Variants in SART1 observed in about 807,000 individuals in gnomAD.
The protein encoded by SART1 is U4/U6.U5 tri-snRNP-associated protein 1.
In SART1, 28 loss-of-function variants were observed where a neutral mutation model predicts 105.0. That is an observed-to-expected ratio of 0.27 (90% CI 0.20 to 0.37). The LOEUF (loss-of-function observed/expected upper bound fraction) is 0.37, where lower values mean the gene tolerates loss of function less well. Ranked by LOEUF, SART1 falls within the 10% of genes least tolerant of loss-of-function variation. SART1 has a pLI of 1.00. For missense variants in SART1, 894 were observed against 1,106.5 expected (o/e 0.81, Z 2.72); for synonymous variants, 472 against 462.9 (o/e 1.02, Z -0.25).
chr11:65,979,181 C>A lies in SART1; in HGVS notation c.*151C>A. ...TGGCTCCTGCTAGGTGAGACCTGGC[C>A]ATCAAATGACACAAACAACTAAACG... On this transcript the variant is annotated 3_prime_UTR_variant, in exon 20 of 20. Coordinates refer to ENST00000312397, the MANE Select transcript of SART1 (RefSeq NM_005146.5). 1.0e-6 allele frequency: 1 copy of A among 964,346 alleles called. No individual in the cohort carries two copies. The highest frequency in any genetic ancestry group is 2.6e-5 in the East Asian group (1 of 38,148). 59.7% of individuals were successfully genotyped at this position (964,346 alleles called of 1,614,324 possible). A position where few individuals can be genotyped will look rare whatever the true frequency, so the allele number is the denominator to read the frequency against.
chr11:65,973,691 G>T (rs916262620), intron 12 of SART1, among the ~76,000 whole-genome samples: 1 of 152,200 alleles, frequency 6.6e-6, no homozygotes, highest in Non-Finnish European at 1.5e-5. Context: ...GCCTGCAGCC[G>T]CAGTACTTGG....
At chr11:65,977,171 C>T in intron 15 of SART1, 70 bp downstream of exon 15, 1 of 1,142,386 alleles carries the variant, frequency 8.8e-7, no homozygotes, top group Non-Finnish European at 1.3e-6. Context: ...AGGGCCCCCT[C>T]CGGTCCCCTC....
rs762255390 is a variant in SART1, at chr11:65,977,756, C to T, written c.2037-8C>T. The T allele has an allele frequency of 7.4e-6, 12 of 1,613,886 alleles. No homozygotes were observed. The highest frequency in any genetic ancestry group is 1.6e-4 in the Middle Eastern group (1 of 6,082). On this transcript the variant is annotated splice_polypyrimidine_tract_variant and splice_region_variant and intron_variant, in intron 16 of 19. Coordinates refer to ENST00000312397, the MANE Select transcript of SART1 (RefSeq NM_005146.5). ...CCTCACACTAAGGCCTCCTCTGTCTCGGGCCAGGGCCATCGATGACAAGTA... is the reference window on the plus strand; with the variant it reads ...CCTCACACTAAGGCCTCCTCTGTCTTGGGCCAGGGCCATCGATGACAAGTA...
At position 65,979,382 on chromosome 11, in the gene SART1, C is replaced by T. The variant is rs372825547; in HGVS notation, c.*352C>T. The stretch of plus-strand genomic sequence containing the variant: ...CAGGTCACTGTCCTGTAATGTCTCC[C>T]GGTCAGGGCAGCCCAGGACTGCCCA... On this transcript the variant is annotated 3_prime_UTR_variant, in exon 20 of 20. Coordinates refer to ENST00000312397, the MANE Select transcript of SART1 (RefSeq NM_005146.5). 25 of 378,634 alleles carry T rather than the reference C, an allele frequency of 6.6e-5. No individual in the cohort carries two copies. In the East Asian group the frequency reaches 1.1e-3, roughly 17 times the overall value. The allele number at this position is 378,634 out of a possible 1,614,324, so 23.5% of individuals were successfully genotyped here. A position where few individuals can be genotyped will look rare whatever the true frequency, so the allele number is the denominator to read the frequency against.
In SART1 at chr11:65,979,340, T is replaced by TGGCCTC; in HGVS notation, c.*313_*318dup. On this transcript the variant is annotated 3_prime_UTR_variant, in exon 20 of 20. Transcript: ENST00000312397. ...AGAAACTCATCACCCTGCTCTCTCC[T>TGGCCTC]GGCCTCGGGGGCTGCACAGGTCACT... is the stretch of plus-strand genomic sequence containing the variant. The TGGCCTC allele has an allele frequency of 3.9e-6, 2 of 507,014 alleles. No homozygotes were observed. Among genetic ancestry groups the TGGCCTC allele is most frequent in the Non-Finnish European group, 7.1e-6 (2 of 280,340 alleles). The allele number at this position is 507,014 out of a possible 1,614,324, so 31.4% of individuals were successfully genotyped here.
At chr11:65,973,158 A>C (rs1209933799) in intron 12 of SART1, among the ~76,000 whole-genome samples, 1 of 152,188 alleles carries the variant, frequency 6.6e-6, no homozygotes, top group Admixed American at 6.5e-5. Context: ...TGGGTGACAG[A>C]GCAAGACTCC....
rs774052928 is a variant in SART1 at position 65,966,402 on chromosome 11, G to A, written c.1034G>A (p.Arg345Gln). 6.8e-6 allele frequency: 11 copies of A among 1,613,920 alleles called. No individual in the cohort carries two copies. Among genetic ancestry groups the A allele is most frequent in the East Asian group, 2.2e-5 (1 of 44,876 alleles). Residue 345 changes from arginine (R) to glutamine (Q), a missense_variant, in exon 9 of 20, where the codon CGG becomes CAG. This residue lies in a region of SART1 where 712 missense variants were observed against 778.2 expected (regional missense o/e 0.91). Transcript: ENST00000312397. ...TATGACGAAGAGCTTGAAGGGGAGC[G>A]GCCACATTCCTTCCGCTTGGAGCAG... is the stretch of plus-strand genomic sequence containing the variant. The part of the protein sequence containing the change: ...SKYDEELEGE[R>Q]PHSFRLEQGG...
chr11:65,978,457 C>A lies in SART1; in HGVS notation c.2173-143C>A. On this transcript the variant is annotated intron_variant, in intron 17 of 19. Coordinates refer to ENST00000312397, the MANE Select transcript of SART1 (RefSeq NM_005146.5). This position sits in a 1 kb window ranked among gnomAD's most constrained non-coding sequence, Gnocchi z 6.8. ...CCTGCAGGGTGCCAGCGTCTGTGCT[C>A]TTTTCCCATCCCCTTCCCACTGCAC... 1.3e-6 allele frequency: 1 copy of A among 781,664 alleles called. No individual in the cohort carries two copies. The highest frequency in any genetic ancestry group is 2.1e-6 in the Non-Finnish European group (1 of 475,272). The allele number at this position is 781,664 out of a possible 1,614,324, so 48.4% of individuals were successfully genotyped here. A position where few individuals can be genotyped will look rare whatever the true frequency, so the allele number is the denominator to read the frequency against.
chr11:65,974,853 G>T (rs1354899412), intron 12 of SART1, among the ~76,000 whole-genome samples: 2 of 151,794 alleles, frequency 1.3e-5, no homozygotes, highest in African/African-American at 4.8e-5. Flanking sequence ...GGCTAGTACG[G>T]TGAAACCCCA....
rs773479109 is a variant in SART1 at position 65,967,336 on chromosome 11, C to T, written c.1266C>T (p.Asp422=). The T allele has an allele frequency of 6.2e-7, 1 of 1,614,130 alleles. No homozygotes were observed. Among genetic ancestry groups the T allele is most frequent in the Non-Finnish European group, 8.5e-7 (1 of 1,180,026 alleles). ...AGGAGGTAGTAGTGCGGGCAGATGA[C>T]TTGCTGCCTCTCGGGGACCAGACTC... ...KEKEVVVRAD[D]LLPLGDQTQD... is the part of the protein sequence containing the mutation. The change falls in exon 10 of 20, where the codon GAC becomes GAT. Residue 422 remains aspartate, a synonymous_variant. Transcript: ENST00000312397.
At position 65,966,542 on chromosome 11, in the gene SART1, A is replaced by G. The variant is rs765657973; in HGVS notation, c.1174A>G (p.Thr392Ala). ...GCCCCGGCTGGCCTCCGAATACCTC[A>G]CGCCTGAGGAGATGGTGAGCCCTCC... ...VGPRLASEYL[T>A]PEEMVTFKKT... The change falls in exon 9 of 20, where the codon ACG becomes GCG. Residue 392 changes from threonine (T) to alanine (A), a missense_variant. Physicochemically the swap from Thr to Ala is moderately conservative, Grantham distance 58. This residue lies in a region of SART1 where 712 missense variants were observed against 778.2 expected (regional missense o/e 0.91). Coordinates refer to ENST00000312397, the MANE Select transcript of SART1 (RefSeq NM_005146.5). 1.3e-6 allele frequency: 2 copies of G among 1,530,818 alleles called. No individual in the cohort carries two copies. The highest frequency in any genetic ancestry group is 1.8e-6 in the Non-Finnish European group (2 of 1,142,028). The allele number at this position is 1,530,818 out of a possible 1,614,324, so 94.8% of individuals were successfully genotyped here.
At chr11:65,966,851 C>G (rs1349323835) in intron 9 of SART1, among the ~76,000 whole-genome samples, 2 of 152,150 alleles carry the variant, frequency 1.3e-5, no homozygotes, top group Non-Finnish European at 2.9e-5. Context: ...TGACAGGAGC[C>G]GCCTCCTGAG....
At chr11:65,970,390 G>A (rs1313376535) in intron 12 of SART1, among the ~76,000 whole-genome samples, 1 of 152,158 alleles carries the variant, frequency 6.6e-6, no homozygotes, top group Non-Finnish European at 1.5e-5. Context: ...CACCCGCAAA[G>A]GAGCCTTTTC....
At chr11:65,963,127 A>T (rs140946620) in intron 1 of SART1, among the ~76,000 whole-genome samples, 1 of 152,092 alleles carries the variant, frequency 6.6e-6, no homozygotes, top group African/African-American at 2.4e-5. Context: ...ACATGAGAAG[A>T]GGGGGTCAGG....
Position 65,967,556 on chromosome 11 carries a change from C to G in SART1, c.1399C>G (p.Arg467Gly), listed in dbSNP as rs747360501. The change falls in exon 11 of 20, where the codon CGA becomes GGA. Residue 467 changes from arginine to glycine, a missense_variant. By Grantham distance (125) the Arg-to-Gly change is moderately radical (BLOSUM62 -2). Transcript: ENST00000312397. ...TCAGCCCCTGCCGTCGGACGACACC[C>G]GAGTGGAGAACATGGACATCAGTGA... is the stretch of plus-strand genomic sequence containing the variant. Reference protein sequence around the residue: ...VPQPLPSDDTRVENMDISDEE... With the variant: ...VPQPLPSDDTGVENMDISDEE... 1.2e-6 allele frequency: 2 copies of G among 1,612,548 alleles called. No homozygotes were observed. Among genetic ancestry groups the G allele is most frequent in the Non-Finnish European group, 1.7e-6 (2 of 1,179,978 alleles).
At chr11:65,971,887 A>G (rs72928828) in intron 12 of SART1, among the ~76,000 whole-genome samples, 11,162 of 152,110 alleles carry the variant, frequency 0.073, 788 homozygotes, top group African/African-American at 0.18. Flanking sequence ...TGAGCTAGAA[A>G]GAAAGGCTGG....
rs1384809268 is a variant in SART1 at position 65,962,008 on chromosome 11, C to T, written c.228C>T (p.Ser76=). Residue 76 remains serine, a synonymous_variant, in exon 1 of 20, where the codon AGC becomes AGT. Transcript: ENST00000312397. ...GRRGAEAEAR[S]STHGRERSQA... is the part of the protein sequence containing the mutation. ...GCGGGGCCGAAGCTGAGGCCCGGAGCAGCACGCACGGGCGGGAGCGCAGCC... is the reference window on the plus strand; with the variant it reads ...GCGGGGCCGAAGCTGAGGCCCGGAGTAGCACGCACGGGCGGGAGCGCAGCC... 1.3e-6 allele frequency: 2 copies of T among 1,515,860 alleles called. No individual in the cohort carries two copies. Among genetic ancestry groups the T allele is most frequent in the Non-Finnish European group, 1.8e-6 (2 of 1,136,350 alleles). 93.9% of individuals were successfully genotyped at this position (1,515,860 alleles called of 1,614,324 possible).
intron 1 of SART1, 133 bp from the exon 2 acceptor site, chr11:65,963,941 T>A (rs1206559954): frequency 1.4e-6 from 1 of 698,902 alleles, no homozygotes; most frequent in Non-Finnish European, 2.5e-6. Flanking sequence ...TGGAAGAAGC[T>A]GCTGTTTTCT....
Position 65,976,547 on chromosome 11 carries a change from C to T in SART1, c.1725C>T (p.Arg575=), listed in dbSNP as rs747806785. The T allele has an allele frequency of 5.0e-6, 8 of 1,608,772 alleles. No individual in the cohort carries two copies. Among genetic ancestry groups the T allele is most frequent in the East Asian group, 2.2e-5 (1 of 44,798 alleles). Residue 575 remains arginine, a synonymous_variant, in exon 13 of 20, where the codon CGC becomes CGT. Coordinates refer to ENST00000312397, the MANE Select transcript of SART1 (RefSeq NM_005146.5). The surrounding 1 kb of genome is among the most constrained non-coding windows in gnomAD (Gnocchi z 5.1). ...CCACCTACGGGCTGGCTGGCAATCG[C>T]GAGGAGCAGGAGGAGCTCATGGTGC... ...EIPTYGLAGN[R]EEQEELMDFE...
Sources: allele counts gnomAD v4.1 joint callset (sites outside exome capture counted in the v4.1 genomes callset), GRCh38; gene constraint gnomAD v4.1.1; regional missense constraint gnomAD v4.1.1; non-coding constraint Gnocchi (gnomAD v3.1); transcripts MANE v1.5; gene names NCBI Gene and HGNC (gene_info 2026-07-23, HGNC 2026-07-21).